FGFR2: variants seen among roughly 807,000 people sequenced by gnomAD.
FGFR2 encodes fibroblast growth factor receptor 2.
A neutral mutation model predicts 95.9 loss-of-function variants in FGFR2; 19 were observed. The ratio of observed to expected loss-of-function variants is 0.20; its 90% confidence interval spans 0.14 to 0.29. FGFR2 has a LOEUF of 0.29. Ranked by LOEUF, FGFR2 falls within the 10% of genes least tolerant of loss-of-function variation. The pLI, the probability that FGFR2 is intolerant of heterozygous loss-of-function variation, is 1.00. For missense variants in FGFR2, 707 were observed against 1,056.9 expected (o/e 0.67, Z 4.59); for synonymous variants, 392 against 393.3 (o/e 1.00, Z 0.04).
chr10:121,527,025 T>C (rs1191608947), intron 6 of FGFR2: 5 of 350,678 alleles, frequency 1.4e-5, no homozygotes, highest in African/African-American at 4.2e-5. Context: ...AAGTGACTTA[T>C]GGAGGCTGCA....
chr10:121,560,916 G>A (rs1427427361), intron 4 of FGFR2, among the ~76,000 whole-genome samples: 3 of 152,098 alleles, frequency 2.0e-5, no homozygotes, highest in East Asian at 1.9e-4. Context: ...TCTGCATTTC[G>A]AGGGAGTTCT....
chr10:121,596,429 C>A (rs1863438103), intron 1 of FGFR2: 1 of 194,244 alleles, frequency 5.1e-6, no homozygotes, highest in African/African-American at 2.3e-5. Flanking sequence ...CTTTGGGCTT[C>A]CACCTAAGGG....
At chr10:121,595,807 G>A (rs1039908404) in intron 1 of FGFR2, among the ~76,000 whole-genome samples, 14 of 152,218 alleles carry the variant, frequency 9.2e-5, no homozygotes, top group African/African-American at 3.4e-4. Flanking sequence ...GCTCCAGGCA[G>A]AGAAAGGTGG....
At chr10:121,488,637 T>A (rs2912796) in intron 13 of FGFR2, among the ~76,000 whole-genome samples, 104,981 of 151,832 alleles carry the variant, frequency 0.69, 37,288 homozygotes, top group Admixed American at 0.77. Context: ...AGAGCCTGGA[T>A]CACGACATGT....
intron 5 of FGFR2, among the ~76,000 whole-genome samples, chr10:121,548,626 T>A (rs1388525847): frequency 3.3e-5 from 5 of 152,208 alleles, no homozygotes; most frequent in Non-Finnish European, 7.3e-5. Flanking sequence ...CCATTTATTT[T>A]GAGCCCAGGG....
intron 4 of FGFR2, among the ~76,000 whole-genome samples, chr10:121,561,902 AAAG>A (rs1448168936): frequency 6.6e-6 from 1 of 152,256 alleles, no homozygotes; most frequent in African/African-American, 2.4e-5. Flanking sequence ...ACATCTCACC[AAAG>A]AAGATACATG....
At chr10:121,593,301 G>A (rs1480264524) in intron 2 of FGFR2, among the ~76,000 whole-genome samples, 5 of 152,106 alleles carry the variant, frequency 3.3e-5, no homozygotes, top group Non-Finnish European at 7.4e-5. Context: ...TCAGATGTTG[G>A]CAATTTCTTT....
intron 9 of FGFR2, among the ~76,000 whole-genome samples, chr10:121,512,852 A>C (rs1452184376): frequency 6.6e-6 from 1 of 152,132 alleles, no homozygotes; most frequent in African/African-American, 2.4e-5. Context: ...AGGAAAAAGG[A>C]CCAACTTAGG....
intron 17 of FGFR2, chr10:121,480,253 C>T: frequency 1.6e-6 from 1 of 621,328 alleles, no homozygotes; most frequent in South Asian, 1.7e-5. Flanking sequence ...CTCCCTGAGA[C>T]CACGTCTGAT....
intron 12 of FGFR2, 22 bp from the exon 13 acceptor site, chr10:121,496,744 TC>T (rs1459737787): frequency 6.2e-7 from 1 of 1,607,336 alleles, no homozygotes; most frequent in Non-Finnish European, 8.5e-7. Flanking sequence ...GAAGAGAAGC[TC>T]CCTAAAGAGA....
At chr10:121,585,214 A>G (rs1037525278) in intron 2 of FGFR2, among the ~76,000 whole-genome samples, 2 of 152,230 alleles carry the variant, frequency 1.3e-5, no homozygotes, top group African/African-American at 4.8e-5. Context: ...GGATGATCCC[A>G]TTTCTAAAAT....
intron 5 of FGFR2, among the ~76,000 whole-genome samples, chr10:121,550,996 G>A (rs565538604): frequency 6.2e-4 from 95 of 152,172 alleles, no homozygotes; most frequent in Non-Finnish European, 1.1e-3. Flanking sequence ...CGAGGCAGGC[G>A]GATCACGAGG....
chr10:121,556,104 G>T (rs1005337196), intron 4 of FGFR2, among the ~76,000 whole-genome samples: 2 of 149,442 alleles, frequency 1.3e-5, no homozygotes, highest in African/African-American at 5.1e-5. Context: ...AAGCGTTATT[G>T]GATGGATGGA....
intron 6 of FGFR2, among the ~76,000 whole-genome samples, chr10:121,525,949 C>G (rs1465764166): frequency 6.6e-6 from 1 of 152,074 alleles, no homozygotes; most frequent in Non-Finnish European, 1.5e-5. Flanking sequence ...GAGCATTTCT[C>G]CCCAAAAGTT....
chr10:121,487,188 T>C (rs970899552), intron 15 of FGFR2, among the ~76,000 whole-genome samples, 166 bp downstream of exon 15: 2 of 152,258 alleles, frequency 1.3e-5, no homozygotes, highest in African/African-American at 4.8e-5. Flanking sequence ...TAACAGAGCA[T>C]TGGTTATCAG....
intron 6 of FGFR2, among the ~76,000 whole-genome samples, chr10:121,523,494 G>C (rs894050949): frequency 1.3e-5 from 2 of 152,150 alleles, no homozygotes; most frequent in Admixed American, 1.3e-4. Flanking sequence ...CGCACGAACA[G>C]ACACACGCTC....
At chr10:121,488,259 G>A (rs962551915) in intron 13 of FGFR2, 146 bp from the exon 14 acceptor site, 1 of 1,152,668 alleles carries the variant, frequency 8.7e-7, no homozygotes, top group African/African-American at 1.5e-5. Flanking sequence ...AATACAGTGT[G>A]GCCGGGTGCG....
rs368027506 is a variant in FGFR2 at position 121,489,367 on chromosome 10, C to T, written c.1864-1254G>A. Among the ~76,000 whole-genome samples the T allele has an allele frequency of 2.6e-5, 4 of 152,288 alleles. 1 individual carries two copies. Among genetic ancestry groups the T allele is most frequent in the Admixed American group, 1.3e-4 (2 of 15,286 alleles). On this transcript the variant is annotated intron_variant, in intron 13 of 17. Transcript: ENST00000358487. ...AGGATTACAGGTGTAAGCCACCACACCCAGCCCCTCTGTTTAGTTTTATCC... is the reference window on the plus strand; with the variant it reads ...AGGATTACAGGTGTAAGCCACCACATCCAGCCCCTCTGTTTAGTTTTATCC...
At chr10:121,533,762 G>C (rs1227794838) in intron 6 of FGFR2, among the ~76,000 whole-genome samples, 1 of 152,196 alleles carries the variant, frequency 6.6e-6, no homozygotes, top group African/African-American at 2.4e-5. Context: ...AGTCCGCTTG[G>C]AGAGCAAGGA....
Sources: allele counts gnomAD v4.1 joint callset (sites outside exome capture counted in the v4.1 genomes callset), GRCh38; gene constraint gnomAD v4.1.1; transcripts MANE v1.5; gene names NCBI Gene and HGNC (gene_info 2026-07-23, HGNC 2026-07-21).